The following NFKBIZ variants were observed in gnomAD, a reference collection of about 807,000 sequenced individuals.
The protein encoded by NFKBIZ is NFKB inhibitor zeta.
NFKBIZ carries 19 observed loss-of-function variants against 76.8 expected under a neutral mutation model. The observed-to-expected ratio is 0.25, with a 90% CI of 0.17 to 0.36. The LOEUF is 0.36. Among genes scored for constraint, NFKBIZ ranks in the 10% least tolerant of loss-of-function variants. The pLI is 1.00. For synonymous variants in NFKBIZ, 368 were observed against 354.8 expected, an observed-to-expected ratio of 1.04 and a Z score of -0.42; for missense variants, 829 against 910.9, an observed-to-expected ratio of 0.91 and a Z score of 1.16.
At chr3:101,830,920 A>G (rs1246783215) in intron 2 of NFKBIZ, among the ~76,000 whole-genome samples, 1 of 152,252 alleles carries the variant, frequency 6.6e-6, no homozygotes, top group African/African-American at 2.4e-5. Context: ...AATTAAACTT[A>G]TCAAAATACT....
At chr3:101,857,501 CA>C (rs748033461) in intron 11 of NFKBIZ, 42 bp downstream of exon 11, 3 of 1,609,470 alleles carry the variant, frequency 1.9e-6, no homozygotes, top group Admixed American at 3.3e-5. Context: ...TTTGGCACTG[CA>C]GTCTGAAACA....
intron 2 of NFKBIZ, among the ~76,000 whole-genome samples, chr3:101,843,917 C>G (rs1213762851): frequency 6.6e-6 from 1 of 152,212 alleles, no homozygotes; most frequent in Non-Finnish European, 1.5e-5. Context: ...CTATCAAGCT[C>G]AAGGTGTCCA....
At position 101,855,769 on chromosome 3, in the gene NFKBIZ, A is replaced by G. The variant is rs115993928; in HGVS notation, c.1691A>G (p.Asn564Ser). The stretch of plus-strand genomic sequence containing the variant: ...CTTCACTGTGCAGTCATAGCCCACA[A>G]TGCTGTGGTCCATGAACTCCAGAGA... ...TPLHCAVIAH[N>S]AVVHELQRNQ... The change falls in exon 9 of 12, where the codon AAT becomes AGT. Residue 564 changes from asparagine (N) to serine (S), a missense_variant. This residue lies in a region of NFKBIZ where 272 missense variants were observed against 384.2 expected (regional missense o/e 0.71). Transcript: ENST00000326172. 1.1e-5 allele frequency: 18 copies of G among 1,613,054 alleles called. No homozygotes were observed. The East Asian group carries it at 3.1e-4, about 28-fold the overall frequency.
In NFKBIZ at chr3:101,855,473, CTT is replaced by C. The variant is rs761001817; in HGVS notation, c.1654+17_1654+18del. On this transcript the variant is annotated intron_variant, in intron 8 of 11. Coordinates refer to ENST00000326172, the MANE Select transcript of NFKBIZ (RefSeq NM_031419.4). Reference sequence around the variant, plus strand: ...TAACTATGATGGTAAGCAACTGAAACTTTATTAGATTCAGAGCCACTTAGGGG... The same window carrying C: ...TAACTATGATGGTAAGCAACTGAAACTATTAGATTCAGAGCCACTTAGGGG... The C allele has an allele frequency of 3.1e-6, 5 of 1,611,568 alleles. No individual in the cohort carries two copies. Among genetic ancestry groups the C allele is most frequent in the Non-Finnish European group, 4.2e-6 (5 of 1,177,772 alleles).
chr3:101,856,185 G>C (rs1340163203), intron 9 of NFKBIZ, among the ~76,000 whole-genome samples: 3 of 151,962 alleles, frequency 2.0e-5, no homozygotes, highest in African/African-American at 7.3e-5. Context: ...CCAGTAGCTG[G>C]GACTACAGGT....
rs571955735 is a variant in NFKBIZ at position 101,860,607 on chromosome 3, C to T, written c.*1236C>T. Reference sequence around the variant, plus strand: ...AAAGTCAGTATTGAAACATATCTTCCTGTTTTCTGTTGTCAAATGATGATA... The same window carrying T: ...AAAGTCAGTATTGAAACATATCTTCTTGTTTTCTGTTGTCAAATGATGATA... On this transcript the variant is annotated 3_prime_UTR_variant, in exon 12 of 12. Coordinates refer to ENST00000326172, the MANE Select transcript of NFKBIZ (RefSeq NM_031419.4). 1.3e-5 allele frequency: 2 copies of T among 152,000 alleles called. No homozygotes were observed. The highest frequency in any genetic ancestry group is 2.1e-4 in the South Asian group (1 of 4,820). The allele number at this position is 152,000 out of a possible 1,614,324, so 9.4% of individuals were successfully genotyped here. A position where few individuals can be genotyped will look rare whatever the true frequency, so the allele number is the denominator to read the frequency against.
At chr3:101,856,025 G>A (rs995467490) in intron 9 of NFKBIZ, 123 bp downstream of exon 9, 9 of 886,210 alleles carry the variant, frequency 1.0e-5, no homozygotes, top group South Asian at 4.1e-5. Flanking sequence ...GGTGTGAGTA[G>A]CAATGTATGG....
At chr3:101,856,047 G>A (rs906317121) in intron 9 of NFKBIZ, 145 bp downstream of exon 9, 2 of 682,418 alleles carry the variant, frequency 2.9e-6, no homozygotes, top group East Asian at 3.2e-5. Context: ...TGGTTAAGAA[G>A]CCCAGAATTT....
At chr3:101,835,699 TA>T (rs1377410029) in intron 2 of NFKBIZ, among the ~76,000 whole-genome samples, 1 of 152,172 alleles carries the variant, frequency 6.6e-6, no homozygotes, top group Non-Finnish European at 1.5e-5. Context: ...TTACACTCTT[TA>T]AAGGCCCCAT....
In NFKBIZ at chr3:101,860,089, T is replaced by G. The variant is rs1943111070; in HGVS notation, c.*718T>G. ...TAAAGCAGATGGGGAGTTACGGAGTTGTTCCTTTACTGGCTGAAAGATATA... is the reference window on the plus strand; with the variant it reads ...TAAAGCAGATGGGGAGTTACGGAGTGGTTCCTTTACTGGCTGAAAGATATA... On this transcript the variant is annotated 3_prime_UTR_variant, in exon 12 of 12. Coordinates refer to ENST00000326172, the MANE Select transcript of NFKBIZ (RefSeq NM_031419.4). 6.6e-6 allele frequency: 1 copy of G among 152,232 alleles called. No homozygotes were observed. The highest frequency in any genetic ancestry group is 2.1e-4 in the South Asian group (1 of 4,836). 9.4% of individuals were successfully genotyped at this position (152,232 alleles called of 1,614,324 possible). A position where few individuals can be genotyped will look rare whatever the true frequency, so the allele number is the denominator to read the frequency against.
intron 9 of NFKBIZ, 77 bp downstream of exon 9, chr3:101,855,979 A>C (rs1943043725): frequency 7.7e-7 from 1 of 1,305,576 alleles, no homozygotes; most frequent in Non-Finnish European, 1.0e-6. Context: ...TTCCAAGTAC[A>C]GATTCAAACT....
At chr3:101,844,814 C>G (rs1272356363), upstream of NFKBIZ, among the ~76,000 whole-genome samples, 1 of 152,224 alleles carries the variant, frequency 6.6e-6, no homozygotes, top group Non-Finnish European at 1.5e-5. Context: ...GCAAAATAAA[C>G]TCTACCAGGC....
rs767220885 is a variant in NFKBIZ, at chr3:101,852,090, C to A, written c.295C>A (p.Pro99Thr). The stretch of plus-strand genomic sequence containing the variant: ...TTTTGTTTTCTTTTGAACAGTTGAG[C>A]CCCATATGGGGGTTGGCAGGCAGCA... ...GARAERQPVE[P>T]HMGVGRQQRG... Residue 99 changes from proline (P) to threonine (T), a missense_variant, in exon 2 of 12, where the codon CCC (proline) becomes ACC (threonine). Transcript: ENST00000326172. 2 of 1,613,464 alleles carry A rather than the reference C, an allele frequency of 1.2e-6. No homozygotes were observed. Among genetic ancestry groups the A allele is most frequent in the Non-Finnish European group, 1.7e-6 (2 of 1,179,830 alleles).
intron 2 of NFKBIZ, 85 bp from the exon 3 acceptor site, chr3:101,852,653 G>C (rs1942984767): frequency 1.2e-6 from 1 of 853,268 alleles, no homozygotes; most frequent in East Asian, 2.4e-5. Context: ...AGCTATAAAG[G>C]GTGGTAGAGA....
intron 1 of NFKBIZ, among the ~76,000 whole-genome samples, chr3:101,850,945 A>G (rs1942948867): frequency 6.6e-6 from 1 of 152,232 alleles, no homozygotes; most frequent in East Asian, 1.9e-4. Context: ...ACACAGCCAC[A>G]GGGGATTTCT....
chr3:101,854,947 C>G (rs1184942017), intron 6 of NFKBIZ, 115 bp from the exon 7 acceptor site: 1 of 1,182,830 alleles, frequency 8.5e-7, no homozygotes, highest in Non-Finnish European at 1.2e-6. Context: ...ATTGCTTATT[C>G]AAAGGATTTA....
chr3:101,850,593 T>C (rs1420127074), intron 1 of NFKBIZ, among the ~76,000 whole-genome samples: 1 of 152,214 alleles, frequency 6.6e-6, no homozygotes, highest in East Asian at 1.9e-4. Flanking sequence ...GGGCTGCGAA[T>C]TGGTTTCCTT....
chr3:101,839,044 C>T (rs1465611409), intron 2 of NFKBIZ, among the ~76,000 whole-genome samples: 4 of 152,054 alleles, frequency 2.6e-5, no homozygotes, highest in Non-Finnish European at 5.9e-5. Flanking sequence ...TATTATGGAT[C>T]TATAATTTAT....
At chr3:101,834,374 G>A (rs1235725613) in intron 2 of NFKBIZ, among the ~76,000 whole-genome samples, 2 of 140,132 alleles carry the variant, frequency 1.4e-5, no homozygotes, top group East Asian at 2.1e-4. Context: ...TTTCCCTTTC[G>A]CTTTCCTTTC....
Sources: gnomAD v4.1 joint callset for allele counts (sites outside exome capture counted in the v4.1 genomes callset) on GRCh38, gnomAD v4.1.1 for gene constraint, gnomAD v4.1.1 regional missense constraint, MANE v1.5 for transcripts, NCBI Gene and HGNC (gene_info 2026-07-23, HGNC 2026-07-21) for gene names.